The following PTPRN2 variants were observed in gnomAD, a reference collection of about 807,000 sequenced individuals.
The protein encoded by PTPRN2 is protein tyrosine phosphatase receptor type N2, also known as receptor-type tyrosine-protein phosphatase N2.
In PTPRN2, 74 loss-of-function variants were observed where a neutral mutation model predicts 118.8. That is an observed-to-expected ratio of 0.62 (90% CI 0.52 to 0.76). The LOEUF (loss-of-function observed/expected upper bound fraction) is 0.76, where lower values mean the gene tolerates loss of function less well. Among genes scored for constraint, PTPRN2 ranks in the 30% least tolerant of loss-of-function variants. PTPRN2 has a pLI of 0.00. For missense variants in PTPRN2, 1,481 were observed against 1,394.4 expected, an observed-to-expected ratio of 1.06 and a Z score of -0.99; for synonymous variants, 641 against 608.0, an observed-to-expected ratio of 1.05 and a Z score of -0.80.
At chr7:158,520,558 G>A (rs1228475619) in intron 1 of PTPRN2, among the ~76,000 whole-genome samples, 5 of 152,204 alleles carry the variant, frequency 3.3e-5, no homozygotes, top group Middle Eastern at 3.2e-3. Context: ...GATCTCCAGA[G>A]AAGGCTCCCT....
chr7:157,671,973 G>A lies in PTPRN2; in HGVS notation c.2001+10752C>T, dbSNP rs940847819. Among the ~76,000 whole-genome samples, 1 of 152,140 alleles carries A rather than the reference G, an allele frequency of 6.6e-6. No individual in the cohort carries two copies. The highest frequency in any genetic ancestry group is 1.5e-5 in the Non-Finnish European group (1 of 68,022). ...AGGGGACGGGTGGGGCAGCAGCCCT[G>A]GAGGAAAACCCGTGAGCGAGTCGTG... is the stretch of plus-strand genomic sequence containing the variant. On this transcript the variant is annotated intron_variant, in intron 13 of 22. Coordinates refer to ENST00000389418, the MANE Select transcript of PTPRN2 (RefSeq NM_002847.5). The surrounding 1 kb of genome is among the most constrained non-coding windows in gnomAD (Gnocchi z 4.1).
intron 2 of PTPRN2, among the ~76,000 whole-genome samples, chr7:158,375,087 G>C (rs1810396886): frequency 6.6e-6 from 1 of 151,810 alleles, no homozygotes; most frequent in Admixed American, 6.6e-5. Context: ...GTATTTCATG[G>C]GGGAAACCAG....
chr7:158,373,211 T>C (rs2151323602), intron 2 of PTPRN2, among the ~76,000 whole-genome samples: 1 of 152,378 alleles, frequency 6.6e-6, no homozygotes, highest in Admixed American at 6.5e-5. Context: ...GCCCGTACGC[T>C]GCGGAATCGC....
At chr7:158,062,985 C>T (rs1024009085) in intron 11 of PTPRN2, among the ~76,000 whole-genome samples, 17 of 152,240 alleles carry the variant, frequency 1.1e-4, no homozygotes, top group African/African-American at 1.2e-4. Flanking sequence ...CAGGCAGCTC[C>T]GCCTGCGGCC....
intron 11 of PTPRN2, among the ~76,000 whole-genome samples, chr7:157,981,790 T>C (rs2128829333): frequency 6.6e-6 from 1 of 152,404 alleles, no homozygotes; most frequent in Non-Finnish European, 1.5e-5. Flanking sequence ...ATGTGAAGGC[T>C]TTGAGTTAAT....
intron 11 of PTPRN2, among the ~76,000 whole-genome samples, chr7:158,013,512 TCATC>T (rs921555188): frequency 4.0e-5 from 6 of 150,322 alleles, no homozygotes; most frequent in African/African-American, 1.5e-4. Flanking sequence ...ATTCATCTGT[TCATC>T]CATCCATCCC....
At chr7:158,017,753 C>T (rs555443471) in intron 11 of PTPRN2, among the ~76,000 whole-genome samples, 1 of 152,048 alleles carries the variant, frequency 6.6e-6, no homozygotes, top group African/African-American at 2.4e-5. Flanking sequence ...CAGGGCTGGG[C>T]GGCCAGCAGG....
chr7:158,422,845 C>T (rs1009345223), intron 2 of PTPRN2, among the ~76,000 whole-genome samples: 13 of 152,362 alleles, frequency 8.5e-5, no homozygotes, highest in Middle Eastern at 3.4e-3. Flanking sequence ...TTCCCGAGCT[C>T]GGCCAGCTCA....
intron 6 of PTPRN2, among the ~76,000 whole-genome samples, chr7:158,146,351 C>T (rs938412303): frequency 6.6e-6 from 1 of 152,160 alleles, no homozygotes; most frequent in African/African-American, 2.4e-5. Context: ...ATCCCTCCAC[C>T]CACTAACCTA....
chr7:158,395,999 A>T (rs984399972), intron 2 of PTPRN2, among the ~76,000 whole-genome samples: 1 of 152,070 alleles, frequency 6.6e-6, no homozygotes, highest in Non-Finnish European at 1.5e-5. Context: ...GCCGCGACCC[A>T]TGGGGCAGAG....
intron 21 of PTPRN2, among the ~76,000 whole-genome samples, chr7:157,566,203 C>T (rs1214298495): frequency 6.6e-6 from 1 of 152,256 alleles, no homozygotes; most frequent in African/African-American, 2.4e-5. Flanking sequence ...AGCGTTGGCA[C>T]TGCCCGACTG....
At chr7:158,311,096 G>A (rs1358341057) in intron 3 of PTPRN2, among the ~76,000 whole-genome samples, 2 of 152,248 alleles carry the variant, frequency 1.3e-5, no homozygotes, top group Non-Finnish European at 2.9e-5. Flanking sequence ...AGCACAGGGA[G>A]GGCGCAAATA....
In PTPRN2 at chr7:157,603,937, G is replaced by A. The variant is rs1307619739; in HGVS notation, c.2418+65C>T. The stretch of plus-strand genomic sequence containing the variant: ...TGATTTCCCCCGAGAACCTTCCCAC[G>A]TGATTTGCCGCGTCCGTGCCACCCA... On this transcript the variant is annotated intron_variant, in intron 16 of 22. Transcript: ENST00000389418. This position sits in a 1 kb window ranked among gnomAD's most constrained non-coding sequence, Gnocchi z 5.4. The A allele has an allele frequency of 1.0e-5, 15 of 1,470,658 alleles. No homozygotes were observed. The highest frequency in any genetic ancestry group is 6.8e-5 in the East Asian group (3 of 44,184). 91.1% of individuals were successfully genotyped at this position (1,470,658 alleles called of 1,614,324 possible).
intron 1 of PTPRN2, among the ~76,000 whole-genome samples, chr7:158,530,954 G>A (rs1371331168): frequency 1.3e-5 from 2 of 152,198 alleles, no homozygotes; most frequent in Non-Finnish European, 2.9e-5. Context: ...GTGTGTGTAA[G>A]CATGTGTACG....
chr7:157,987,950 C>T lies in PTPRN2; in HGVS notation c.1724-89213G>A, dbSNP rs1803937742. The stretch of plus-strand genomic sequence containing the variant: ...AAGGGTCTCCGGACATCACTGATGC[C>T]CCCAGCTCTCCCCACACCTGCCATT... On this transcript the variant is annotated intron_variant, in intron 11 of 22. Coordinates refer to ENST00000389418, the MANE Select transcript of PTPRN2 (RefSeq NM_002847.5). This position sits in a 1 kb window ranked among gnomAD's most constrained non-coding sequence, Gnocchi z 4.3. Among the ~76,000 whole-genome samples, 4 of 151,990 alleles carry T rather than the reference C, an allele frequency of 2.6e-5. No individual in the cohort carries two copies. The highest frequency in any genetic ancestry group is 2.6e-4 in the Admixed American group (4 of 15,266).
chr7:157,745,932 T>A (rs1425662301), intron 12 of PTPRN2, among the ~76,000 whole-genome samples: 35 of 151,432 alleles, frequency 2.3e-4, no homozygotes, highest in Non-Finnish European at 2.9e-5. Flanking sequence ...CCATAGTCCA[T>A]ACAGGGCCTT....
At chr7:158,203,812 C>T (rs905936872) in intron 4 of PTPRN2, among the ~76,000 whole-genome samples, 2 of 152,198 alleles carry the variant, frequency 1.3e-5, no homozygotes, top group Non-Finnish European at 2.9e-5. Flanking sequence ...AAGTTGAAAA[C>T]ATTTTGGTGG....
At chr7:157,848,040 G>T (rs1808996081) in intron 12 of PTPRN2, among the ~76,000 whole-genome samples, 2 of 150,308 alleles carry the variant, frequency 1.3e-5, no homozygotes, top group South Asian at 4.2e-4. Flanking sequence ...ATTACATCGT[G>T]TGTGCCTGAT....
chr7:158,162,738 T>C (rs537544973), intron 6 of PTPRN2, among the ~76,000 whole-genome samples: 1 of 152,096 alleles, frequency 6.6e-6, no homozygotes, highest in African/African-American at 2.4e-5. Flanking sequence ...CAGATGTGAA[T>C]TATGAATAAG....
Sources: allele counts gnomAD v4.1 joint callset (sites outside exome capture counted in the v4.1 genomes callset), GRCh38; gene constraint gnomAD v4.1.1; non-coding constraint Gnocchi (gnomAD v3.1); transcripts MANE v1.5; gene names NCBI Gene and HGNC (gene_info 2026-07-23, HGNC 2026-07-21).